Variants in KLHL41 observed in about 807,000 individuals in gnomAD.
KLHL41 encodes the protein kelch like family member 41, also known as kelch-like protein 41.
In KLHL41, 31 loss-of-function variants were observed where a neutral mutation model predicts 49.2. That is an observed-to-expected ratio of 0.63 (90% CI 0.47 to 0.85). The LOEUF is 0.85. Ranked by LOEUF, KLHL41 falls within the 40% of genes least tolerant of loss-of-function variation. The pLI is 0.00. For missense variants in KLHL41, 663 were observed against 726.7 expected (o/e 0.91, Z 1.01); for synonymous variants, 218 against 258.5 (o/e 0.84, Z 1.50).
At chr2:169,515,006 AT>A in intron 3 of KLHL41, 45 bp downstream of exon 3, 1 of 1,151,546 alleles carries the variant, frequency 8.7e-7, no homozygotes, top group Non-Finnish European at 1.2e-6. Context: ...ATGACTTTTT[AT>A]TAGAAGGGTT....
intron 1 of KLHL41, among the ~76,000 whole-genome samples, chr2:169,512,499 G>A (rs980481948): frequency 2.0e-5 from 3 of 151,946 alleles, no homozygotes; most frequent in African/African-American, 4.8e-5. Context: ...TCTATAACAC[G>A]GTCCTTTTTA....
At chr2:169,520,028 T>C (rs745310255) in intron 4 of KLHL41, among the ~76,000 whole-genome samples, 283 of 152,156 alleles carry the variant, frequency 1.9e-3, no homozygotes, top group Admixed American at 4.6e-3. Flanking sequence ...AAGACAGGGT[T>C]TTGCTCTATC....
At chr2:169,523,891 G>A (rs942323387) in intron 5 of KLHL41, among the ~76,000 whole-genome samples, 3 of 152,158 alleles carry the variant, frequency 2.0e-5, no homozygotes, top group East Asian at 1.9e-4. Flanking sequence ...GAAGGCCGCC[G>A]ATCTAGAGAA....
intron 5 of KLHL41, among the ~76,000 whole-genome samples, chr2:169,523,574 T>C (rs1012872328): frequency 1.3e-5 from 2 of 152,148 alleles, no homozygotes; most frequent in Non-Finnish European, 2.9e-5. Flanking sequence ...TTAGAAACAC[T>C]TGGGGAGCTT....
rs764573964 is a variant in KLHL41, at chr2:169,510,240, C to G, written c.462C>G (p.Ala154=). 6.2e-7 allele frequency: 1 copy of G among 1,613,920 alleles called. No homozygotes were observed. The highest frequency in any genetic ancestry group is 1.7e-5 in the Admixed American group (1 of 60,010). ...ACTGCCCGAGACTCGCCATTTCTGC[C>G]CGTGAATTTGTGTCTGATCGCTTTG... ...LLDCPRLAIS[A]REFVSDRFVQ... The change falls in exon 1 of 6, where the codon GCC becomes GCG. Residue 154 remains alanine, a synonymous_variant. Transcript: ENST00000284669. The surrounding 1 kb of genome is among the most constrained non-coding windows in gnomAD (Gnocchi z 4.2).
Position 169,514,671 on chromosome 2 carries a change from T to C in KLHL41, c.1208T>C (p.Val403Ala), listed in dbSNP as rs1454799605. Residue 403 changes from valine (V) to alanine (A), a missense_variant, in exon 2 of 6, where the codon GTT (valine) becomes GCT (alanine). Transcript: ENST00000284669. ...GAGGTGGATGATAAAATCTATGTAGTTGCAGGCAAAGACCTTCAAACAGAG... is the reference window on the plus strand; with the variant it reads ...GAGGTGGATGATAAAATCTATGTAGCTGCAGGCAAAGACCTTCAAACAGAG... ...LGEVDDKIYV[V>A]AGKDLQTEAS... The C allele has an allele frequency of 7.4e-6, 12 of 1,613,996 alleles. No homozygotes were observed. The highest frequency in any genetic ancestry group is 9.3e-6 in the Non-Finnish European group (11 of 1,179,980).
intron 3 of KLHL41, among the ~76,000 whole-genome samples, chr2:169,517,008 G>A (rs987026938): frequency 1.3e-5 from 2 of 151,616 alleles, no homozygotes; most frequent in Admixed American, 6.6e-5. Flanking sequence ...GCGAAACTCC[G>A]TCTCCAGAAA....
intron 5 of KLHL41, among the ~76,000 whole-genome samples, chr2:169,522,705 ATTTTTTTTTTT>A (rs60635668): frequency 2.0e-5 from 1 of 50,092 alleles, no homozygotes; most frequent in African/African-American, 8.3e-5. Flanking sequence ...CTTCCCAGTG[ATTTTTTTTTTT>A]TTTTTTTTTT....
Position 169,512,865 on chromosome 2 carries a change from AGATT to A in KLHL41, c.1111-1708_1111-1705del, listed in dbSNP as rs756257548. ...TGACCTTTGATTGTATGCTGTAAAT[AGATT>A]ATGAGAATTTTTTACCTTGGTAAGG... On this transcript the variant is annotated intron_variant, in intron 1 of 5. Coordinates refer to ENST00000284669, the MANE Select transcript of KLHL41 (RefSeq NM_006063.3). Among the ~76,000 whole-genome samples the A allele has an allele frequency of 7.2e-4, 109 of 152,284 alleles. 1 individual carries two copies. Among genetic ancestry groups the A allele is most frequent in the Non-Finnish European group, 9.1e-4 (62 of 68,012 alleles).
intron 5 of KLHL41, among the ~76,000 whole-genome samples, chr2:169,523,318 C>T (rs1490885573): frequency 6.6e-6 from 1 of 152,082 alleles, no homozygotes; most frequent in Non-Finnish European, 1.5e-5. Flanking sequence ...CAGGGTGCTT[C>T]AAAAAATATT....
In KLHL41 at chr2:169,510,925, G is replaced by A. The variant is rs779485358; in HGVS notation, c.1110+37G>A. ...TTTTTGTATATGTAGTTGCTTAAAG[G>A]GAAGGCTGTTACTCACCATCCAGTT... On this transcript the variant is annotated intron_variant, in intron 1 of 5. Coordinates refer to ENST00000284669, the MANE Select transcript of KLHL41 (RefSeq NM_006063.3). The surrounding 1 kb of genome is among the most constrained non-coding windows in gnomAD (Gnocchi z 4.2). 10 of 1,564,188 alleles carry A rather than the reference G, an allele frequency of 6.4e-6. No homozygotes were observed. The South Asian group carries it at 1.2e-4, about 19-fold the overall frequency.
Position 169,514,599 on chromosome 2 carries a change from T to C in KLHL41, c.1136T>C (p.Val379Ala). The part of the protein sequence containing the change: ...FQLDSIASEW[V>A]GLPPLPSARC... ...CTCGATAGCATAGCATCTGAATGGG[T>C]TGGACTTCCACCTCTGCCTTCAGCC... The change falls in exon 2 of 6, where the codon GTT becomes GCT. Residue 379 changes from valine to alanine, a missense_variant. Coordinates refer to ENST00000284669, the MANE Select transcript of KLHL41 (RefSeq NM_006063.3). The C allele has an allele frequency of 6.2e-7, 1 of 1,613,886 alleles. No individual in the cohort carries two copies. The highest frequency in any genetic ancestry group is 8.5e-7 in the Non-Finnish European group (1 of 1,179,894).
At chr2:169,518,054 G>T in intron 3 of KLHL41, 136 bp from the exon 4 acceptor site, 1 of 622,038 alleles carries the variant, frequency 1.6e-6, no homozygotes, top group Non-Finnish European at 2.8e-6. Flanking sequence ...TTGTTTAGTG[G>T]CATATGTTCA....
In KLHL41 at chr2:169,515,550, T is replaced by C. The variant is rs777667473; in HGVS notation, c.1376+589T>C. On this transcript the variant is annotated intron_variant, in intron 3 of 5. Transcript: ENST00000284669. ...AGTCCTGTATTTCACTGATTTATAA[T>C]TGTATTTTACTACATTAAAACCAAT... Among the ~76,000 whole-genome samples the C allele has an allele frequency of 4.6e-5, 7 of 152,356 alleles. No individual in the cohort carries two copies. The South Asian group carries it at 1.5e-3, about 32-fold the overall frequency.
chr2:169,517,324 G>A (rs1330952492), intron 3 of KLHL41, among the ~76,000 whole-genome samples: 2 of 151,962 alleles, frequency 1.3e-5, no homozygotes, highest in Middle Eastern at 3.4e-3. Context: ...TACTAAGGGC[G>A]GGGCATGGTG....
chr2:169,509,750 T>G lies in KLHL41; in HGVS notation c.-29T>G. On this transcript the variant is annotated 5_prime_UTR_variant, in exon 1 of 6. Coordinates refer to ENST00000284669, the MANE Select transcript of KLHL41 (RefSeq NM_006063.3). ...CTGCAAGGAGCTAAGGCCTTCAGTG[T>G]CCCCTTCCTTACCCAGGTTTCTCAC... is the stretch of plus-strand genomic sequence containing the variant. 6.3e-7 allele frequency: 1 copy of G among 1,589,014 alleles called. No individual in the cohort carries two copies. The highest frequency in any genetic ancestry group is 8.5e-7 in the Non-Finnish European group (1 of 1,172,110).
Position 169,518,248 on chromosome 2 carries a change from G to T in KLHL41, c.1435G>T (p.Ala479Ser). The change falls in exon 4 of 6, where the codon GCT (alanine) becomes TCT (serine). Residue 479 changes from alanine to serine, a missense_variant. Physicochemically the swap from Ala to Ser is moderately conservative, Grantham distance 99. Around this residue, in one of 3 missense-constraint regions of KLHL41, gnomAD observed 528 missense variants for 581.0 expected, o/e 0.91. Coordinates refer to ENST00000284669, the MANE Select transcript of KLHL41 (RefSeq NM_006063.3). ...CAAAAAAGGAGATTGGAAAGATCTG[G>T]CTCCAATGAAAATTCCTCGTTCCAT... Reference protein sequence around the residue: ...NPKKGDWKDLAPMKIPRSMFG... With the variant: ...NPKKGDWKDLSPMKIPRSMFG... The T allele has an allele frequency of 6.2e-7, 1 of 1,613,984 alleles. No individual in the cohort carries two copies. Among genetic ancestry groups the T allele is most frequent in the South Asian group, 1.1e-5 (1 of 91,048 alleles).
intron 3 of KLHL41, among the ~76,000 whole-genome samples, chr2:169,517,232 A>G (rs16857000): frequency 0.036 from 5,493 of 152,296 alleles, 344 homozygotes; most frequent in African/African-American, 0.12. Flanking sequence ...TTCATCACCA[A>G]ATATATCCAG....
At position 169,510,285 on chromosome 2, in the gene KLHL41, G is replaced by C; in HGVS notation, c.507G>C (p.Glu169Asp). Residue 169 changes from glutamate to aspartate, a missense_variant, in exon 1 of 6, where the codon GAG (glutamate) becomes GAC (aspartate). Coordinates refer to ENST00000284669, the MANE Select transcript of KLHL41 (RefSeq NM_006063.3). The surrounding 1 kb of genome is among the most constrained non-coding windows in gnomAD (Gnocchi z 4.2). ...SDRFVQICKE[E>D]DFMQLSPQEL... ...GCTTTGTACAGATTTGTAAGGAAGAGGACTTTATGCAACTGTCTCCACAGG... is the reference window on the plus strand; with the variant it reads ...GCTTTGTACAGATTTGTAAGGAAGACGACTTTATGCAACTGTCTCCACAGG... 6.2e-7 allele frequency: 1 copy of C among 1,614,008 alleles called. No homozygotes were observed. The highest frequency in any genetic ancestry group is 1.1e-5 in the South Asian group (1 of 91,072).
Sources: allele counts gnomAD v4.1 joint callset (sites outside exome capture counted in the v4.1 genomes callset), GRCh38; gene constraint gnomAD v4.1.1; regional missense constraint gnomAD v4.1.1; non-coding constraint Gnocchi (gnomAD v3.1); transcripts MANE v1.5; gene names NCBI Gene and HGNC (gene_info 2026-07-23, HGNC 2026-07-21).